Variants in DOCK7 observed in about 807,000 individuals in gnomAD.
DOCK7 encodes the protein dedicator of cytokinesis protein 7.
Under a neutral mutation model 271.0 loss-of-function variants are expected in DOCK7, and 138 were observed. That is an observed-to-expected ratio of 0.51 (90% CI 0.44 to 0.59). The LOEUF is 0.59. DOCK7 is among the 20% of genes least tolerant of loss of function. The pLI is 0.00. For synonymous variants in DOCK7, 823 were observed against 876.1 expected (o/e 0.94, Z 1.07); for missense variants, 2,066 against 2,592.4 (o/e 0.80, Z 4.41).
intron 31 of DOCK7, among the ~76,000 whole-genome samples, chr1:62,527,787 T>C (rs1269578058): frequency 1.3e-5 from 2 of 148,818 alleles, no homozygotes; most frequent in Admixed American, 6.7e-5. Flanking sequence ...AAATGACGAG[T>C]TACTGGGTGC....
chr1:62,544,577 A>C (rs1284042642), intron 23 of DOCK7, among the ~76,000 whole-genome samples: 1 of 152,184 alleles, frequency 6.6e-6, no homozygotes, highest in African/African-American at 2.4e-5. Context: ...ACTTTAAACC[A>C]AAAGCAAATA....
intron 18 of DOCK7, among the ~76,000 whole-genome samples, chr1:62,563,009 A>G (rs1018488588): frequency 6.6e-6 from 1 of 152,110 alleles, no homozygotes; most frequent in Non-Finnish European, 1.5e-5. Context: ...CAAAGAAGAC[A>G]GAGTTGAGAA....
chr1:62,577,152 C>A, intron 18 of DOCK7, 110 bp downstream of exon 18: 1 of 546,858 alleles, frequency 1.8e-6, no homozygotes. Flanking sequence ...CCTTCATTAT[C>A]TATAAACTTT....
At chr1:62,584,911 G>C in intron 15 of DOCK7, 1 of 697,388 alleles carries the variant, frequency 1.4e-6, no homozygotes. Flanking sequence ...GATAAGACAA[G>C]GAAGAGTTTG....
chr1:62,528,406 T>A lies in DOCK7; in HGVS notation c.3782-101A>T, dbSNP rs549425995. 49 of 1,081,750 alleles carry A rather than the reference T, an allele frequency of 4.5e-5. No individual in the cohort carries two copies. In the African/African-American group the frequency reaches 6.1e-4, roughly 13 times the overall value. The allele number at this position is 1,081,750 out of a possible 1,614,324, so 67.0% of individuals were successfully genotyped here. Reference sequence around the variant, plus strand: ...TTTAAAAGAATAACTTGTTGACATGTTATAGTTATTAGATTTACTTCTTTT... The same window carrying A: ...TTTAAAAGAATAACTTGTTGACATGATATAGTTATTAGATTTACTTCTTTT... On this transcript the variant is annotated intron_variant, in intron 30 of 49. Transcript: ENST00000635253.
intron 14 of DOCK7, among the ~76,000 whole-genome samples, chr1:62,614,839 C>T (rs1179051485): frequency 1.3e-5 from 2 of 151,882 alleles, no homozygotes; most frequent in Non-Finnish European, 2.9e-5. Flanking sequence ...GAAACTGTGA[C>T]TTTAAGAGAA....
rs758258421 is a variant in DOCK7, at chr1:62,529,375, C to T, written c.3683G>A (p.Arg1228Gln). 5.0e-6 allele frequency: 8 copies of T among 1,613,350 alleles called. No individual in the cohort carries two copies. The highest frequency in any genetic ancestry group is 1.1e-5 in the South Asian group (1 of 91,030). ...NLLSSHDSDP[R>Q]YSDPQIKARV... ...AGCCTTTATCTGAGGGTCAGAGTAC[C>T]GCGGGTCTGAGTCGTGACTGGAGAG... The change falls in exon 30 of 50, where the codon CGG becomes CAG. Residue 1228 changes from arginine (R) to glutamine (Q), a missense_variant. By Grantham distance (43) the Arg-to-Gln change is conservative. Transcript: ENST00000635253.
At chr1:62,462,124 T>C (rs888894206) in intron 48 of DOCK7, among the ~76,000 whole-genome samples, 2 of 151,488 alleles carry the variant, frequency 1.3e-5, no homozygotes, top group Admixed American at 6.6e-5. Flanking sequence ...AAAGAATAAA[T>C]TTTAAAATGT....
intron 28 of DOCK7, 103 bp downstream of exon 28, chr1:62,537,788 T>C: frequency 9.5e-7 from 1 of 1,057,992 alleles, no homozygotes; most frequent in African/African-American, 1.6e-5. Context: ...GAACTGAGCC[T>C]ATCATACAGC....
intron 48 of DOCK7, among the ~76,000 whole-genome samples, chr1:62,469,930 C>G (rs558634853): frequency 6.7e-6 from 1 of 148,982 alleles, no homozygotes; most frequent in African/African-American, 2.5e-5. Flanking sequence ...AAAATGGATA[C>G]TGGTGTGGAT....
chr1:62,666,379 C>T (rs1415523082), intron 1 of DOCK7, among the ~76,000 whole-genome samples: 2 of 152,002 alleles, frequency 1.3e-5, no homozygotes, highest in East Asian at 3.8e-4. Context: ...AACGATAATC[C>T]TCATATTGCA....
intron 39 of DOCK7, 30 bp downstream of exon 39, chr1:62,495,551 C>T (rs372857298): frequency 6.9e-7 from 1 of 1,457,478 alleles, no homozygotes; most frequent in Non-Finnish European, 9.2e-7. Context: ...GTCCCTTATA[C>T]AAAGCATAAA....
chr1:62,461,356 C>G (rs576588198), intron 48 of DOCK7, among the ~76,000 whole-genome samples: 4 of 151,798 alleles, frequency 2.6e-5, no homozygotes, highest in Non-Finnish European at 5.9e-5. Flanking sequence ...ATAAGTAAGT[C>G]TGGTAAAATT....
chr1:62,463,987 C>G (rs1645602584), intron 48 of DOCK7, among the ~76,000 whole-genome samples: 1 of 151,954 alleles, frequency 6.6e-6, no homozygotes, highest in South Asian at 2.1e-4. Context: ...TAATGAAAAA[C>G]GTTTTAAAAA....
intron 14 of DOCK7, among the ~76,000 whole-genome samples, chr1:62,600,400 T>C (rs1466098346): frequency 6.6e-6 from 1 of 151,834 alleles, no homozygotes; most frequent in Admixed American, 6.6e-5. Context: ...AATAAGGTCC[T>C]AGGAAATATC....
intron 15 of DOCK7, chr1:62,584,857 T>C: frequency 1.4e-6 from 1 of 718,576 alleles, no homozygotes; most frequent in Non-Finnish European, 2.6e-6. Flanking sequence ...ACTGTCGGTA[T>C]AGGATGGGTG....
intron 14 of DOCK7, among the ~76,000 whole-genome samples, chr1:62,610,810 G>T (rs1651682456): frequency 6.6e-6 from 1 of 152,126 alleles, no homozygotes; most frequent in Admixed American, 6.6e-5. Flanking sequence ...TTTTATGGCT[G>T]CATAGTATTC....
At chr1:62,612,270 C>A (rs1651891340) in intron 14 of DOCK7, among the ~76,000 whole-genome samples, 1 of 152,074 alleles carries the variant, frequency 6.6e-6, no homozygotes, top group South Asian at 2.1e-4. Context: ...AAACAAAAGA[C>A]AGGACAAGTA....
chr1:62,455,232 T>G lies in DOCK7; in HGVS notation c.*182A>C. 1.4e-6 allele frequency: 1 copy of G among 723,614 alleles called. No individual in the cohort carries two copies. Among genetic ancestry groups the G allele is most frequent in the Non-Finnish European group, 2.4e-6 (1 of 410,698 alleles). 44.8% of individuals were successfully genotyped at this position (723,614 alleles called of 1,614,324 possible). On this transcript the variant is annotated 3_prime_UTR_variant, in exon 50 of 50. Transcript: ENST00000635253. ...AGATAACAGCTTGTTACCAGAACAT[T>G]AGAAACCATAGCCATGATTCTCAAG...
Sources: gnomAD v4.1 joint callset for allele counts (sites outside exome capture counted in the v4.1 genomes callset) on GRCh38, gnomAD v4.1.1 for gene constraint, MANE v1.5 for transcripts, NCBI Gene and HGNC (gene_info 2026-07-23, HGNC 2026-07-21) for gene names.